Variants in TMPRSS15 observed in about 807,000 individuals in gnomAD.
TMPRSS15 encodes transmembrane serine protease 15, also known as enteropeptidase.
TMPRSS15 carries 128 observed loss-of-function variants against 125.3 expected under a neutral mutation model. That is an observed-to-expected ratio of 1.02 (90% CI 0.89 to 1.18). The LOEUF (loss-of-function observed/expected upper bound fraction) is 1.18, where lower values mean the gene tolerates loss of function less well. Ranked by LOEUF, TMPRSS15 falls within the 50% of genes most tolerant of loss-of-function variation. The pLI is 0.00. For missense variants in TMPRSS15, 1,283 were observed against 1,212.7 expected, an observed-to-expected ratio of 1.06 and a Z score of -0.86; for synonymous variants, 446 against 423.2, an observed-to-expected ratio of 1.05 and a Z score of -0.66.
intron 1 of TMPRSS15, among the ~76,000 whole-genome samples, chr21:18,438,128 A>T (rs980456016): frequency 7.3e-5 from 11 of 150,948 alleles, no homozygotes; most frequent in Non-Finnish European, 1.5e-4. Flanking sequence ...CATATACACC[A>T]TGGAATACTA....
At chr21:18,380,198 CACACACACTCATATATCTCTCATATGTA>C (rs2075879521) in intron 4 of TMPRSS15, among the ~76,000 whole-genome samples, 3 of 151,486 alleles carry the variant, frequency 2.0e-5, no homozygotes, top group South Asian at 2.1e-4. Flanking sequence ...CACACACACA[CACACACACTCATATATCTCTCATATGTA>C]ACACACACAC....
At chr21:18,410,410 A>T (rs2076163178) in intron 1 of TMPRSS15, among the ~76,000 whole-genome samples, 1 of 152,042 alleles carries the variant, frequency 6.6e-6, no homozygotes, top group South Asian at 2.1e-4. Context: ...CTCCACTGGG[A>T]TCCTGTAGCA....
At chr21:18,379,591 A>G (rs1436017833) in intron 4 of TMPRSS15, among the ~76,000 whole-genome samples, 1 of 152,070 alleles carries the variant, frequency 6.6e-6, no homozygotes, top group African/African-American at 2.4e-5. Flanking sequence ...TTCAATGATC[A>G]ATAACTAAAT....
intron 24 of TMPRSS15, among the ~76,000 whole-genome samples, chr21:18,270,756 C>A (rs1242481113): frequency 1.3e-5 from 2 of 152,080 alleles, no homozygotes; most frequent in Non-Finnish European, 2.9e-5. Flanking sequence ...TTAATCACAG[C>A]AGATCCTAGT....
chr21:18,424,887 TATTCATATATATTA>T (rs1256292077), intron 1 of TMPRSS15, among the ~76,000 whole-genome samples: 1 of 149,282 alleles, frequency 6.7e-6, no homozygotes, highest in African/African-American at 2.4e-5. Flanking sequence ...AGAATATATG[TATTCATATATATTA>T]ATTCATATAT....
At chr21:18,310,399 T>C (rs2075087770) in intron 18 of TMPRSS15, among the ~76,000 whole-genome samples, 1 of 151,996 alleles carries the variant, frequency 6.6e-6, no homozygotes, top group South Asian at 2.1e-4. Context: ...TCATTACAGT[T>C]TCTTTACATC....
At chr21:18,444,517 G>C (rs1266978750) in intron 1 of TMPRSS15, among the ~76,000 whole-genome samples, 1 of 152,114 alleles carries the variant, frequency 6.6e-6, no homozygotes, top group Non-Finnish European at 1.5e-5. Context: ...ATAGCATTAA[G>C]AGAAATTCCT....
intron 7 of TMPRSS15, among the ~76,000 whole-genome samples, chr21:18,362,354 T>G (rs1299694831): frequency 6.6e-6 from 1 of 152,074 alleles, no homozygotes; most frequent in African/African-American, 2.4e-5. Context: ...ATGGTGAGTG[T>G]TTTTTCATCT....
rs569939399 is a variant in TMPRSS15, at chr21:18,334,870, C to T, written c.1565-2697G>A. Among the ~76,000 whole-genome samples, 13 of 152,056 alleles carry T rather than the reference C, an allele frequency of 8.5e-5. No homozygotes were observed. In the East Asian group the frequency reaches 1.7e-3, roughly 20 times the overall value. On this transcript the variant is annotated intron_variant, in intron 13 of 24. Coordinates refer to ENST00000284885, the MANE Select transcript of TMPRSS15 (RefSeq NM_002772.3). The stretch of plus-strand genomic sequence containing the variant: ...GAGTCTCTATAATTGGCACTTGATA[C>T]GTACATAACAAAAAAAGGAGGGCAG...
intron 4 of TMPRSS15, among the ~76,000 whole-genome samples, chr21:18,379,958 A>C (rs749620509): frequency 5.9e-5 from 9 of 152,130 alleles, no homozygotes; most frequent in Non-Finnish European, 1.2e-4. Context: ...ATATCTTCAT[A>C]GTTTCATAAT....
At chr21:18,348,710 G>A (rs2150384) in intron 10 of TMPRSS15, among the ~76,000 whole-genome samples, 119,273 of 152,176 alleles carry the variant, frequency 0.78, 47,843 homozygotes, top group East Asian at 0.99. Flanking sequence ...GAAGATATCT[G>A]AAAGAACTAA....
intron 3 of TMPRSS15, among the ~76,000 whole-genome samples, chr21:18,396,851 T>TATCTATCTA (rs1555909744): frequency 6.7e-6 from 1 of 150,356 alleles, no homozygotes; most frequent in African/African-American, 2.4e-5. Context: ...TCTATCTATC[T>TATCTATCTA]TAAGTCACAA....
At position 18,398,252 on chromosome 21, in the gene TMPRSS15, G is replaced by C; in HGVS notation, c.223C>G (p.Gln75Glu). The C allele has an allele frequency of 6.2e-7, 1 of 1,613,724 alleles. No homozygotes were observed. The highest frequency in any genetic ancestry group is 8.5e-7 in the Non-Finnish European group (1 of 1,179,746). Residue 75 changes from glutamine to glutamate, a missense_variant, in exon 2 of 25, where the codon CAA becomes GAA. Physicochemically the swap from Gln to Glu is conservative, Grantham distance 29 (BLOSUM62 2). Transcript: ENST00000284885. ...TSGVTYNPNLQDKLSVDFKVL... is the reference protein window; with the variant it reads ...TSGVTYNPNLEDKLSVDFKVL... ...TTGAAATCCACTGAGAGTTTGTCTT[G>C]CAAATTAGGATTATATGTAACTCCG...
At chr21:18,333,582 G>A (rs2075364695) in intron 13 of TMPRSS15, among the ~76,000 whole-genome samples, 1 of 151,338 alleles carries the variant, frequency 6.6e-6, no homozygotes, top group African/African-American at 2.4e-5. Context: ...AGTCTTAAGG[G>A]GAAGCTTCAC....
At chr21:18,271,600 C>CT (rs915001348) in intron 24 of TMPRSS15, among the ~76,000 whole-genome samples, 63 of 148,826 alleles carry the variant, frequency 4.2e-4, no homozygotes, top group Middle Eastern at 3.4e-3. Flanking sequence ...CTTTTCTTTT[C>CT]TTTTTTTTTT....
chr21:18,450,231 G>A (rs9977195), intron 1 of TMPRSS15, among the ~76,000 whole-genome samples: 14,002 of 151,542 alleles, frequency 0.092, 1,821 homozygotes, highest in African/African-American at 0.3. Flanking sequence ...AATTATTCCA[G>A]ATGAAGTAGC....
intron 1 of TMPRSS15, 68 bp downstream of exon 1, chr21:18,403,410 A>G (rs2123147636): frequency 1.6e-5 from 26 of 1,603,694 alleles, no homozygotes; most frequent in Non-Finnish European, 2.0e-5. Flanking sequence ...AGACTTACAG[A>G]ATAACTGACA....
chr21:18,364,694 T>C (rs1014596618), intron 7 of TMPRSS15, among the ~76,000 whole-genome samples: 6 of 152,198 alleles, frequency 3.9e-5, no homozygotes, highest in Non-Finnish European at 7.4e-5. Context: ...AAGAAAGACA[T>C]GTATAGAGGC....
intron 1 of TMPRSS15, among the ~76,000 whole-genome samples, chr21:18,476,100 G>C (rs1203612832): frequency 6.6e-6 from 1 of 152,018 alleles, no homozygotes; most frequent in Non-Finnish European, 1.5e-5. Flanking sequence ...CTGAATTATA[G>C]GGACATTCTA....
Sources: gnomAD v4.1 joint callset for allele counts (sites outside exome capture counted in the v4.1 genomes callset) on GRCh38, gnomAD v4.1.1 for gene constraint, MANE v1.5 for transcripts, NCBI Gene and HGNC (gene_info 2026-07-23, HGNC 2026-07-21) for gene names.